Variants in ATXN10 observed in about 807,000 individuals in gnomAD.
The protein encoded by ATXN10 is ataxin-10.
ATXN10 carries 28 observed loss-of-function variants against 52.9 expected under a neutral mutation model. The observed-to-expected ratio is 0.53, with a 90% CI of 0.39 to 0.73. ATXN10 has a LOEUF of 0.73. ATXN10 is among the 30% of genes least tolerant of loss of function. The probability of loss-of-function intolerance (pLI) is 0.00; values close to 1 mark genes in which losing one functional copy is unlikely to be tolerated. For missense variants in ATXN10, 565 were observed against 577.0 expected (o/e 0.98, Z 0.21); for synonymous variants, 226 against 221.5 (o/e 1.02, Z -0.18).
In ATXN10 at chr22:45,702,733, C is replaced by T; in HGVS notation, c.533C>T (p.Ser178Leu). 6.2e-7 allele frequency: 1 copy of T among 1,613,968 alleles called. No homozygotes were observed. The highest frequency in any genetic ancestry group is 8.5e-7 in the Non-Finnish European group (1 of 1,179,922). Residue 178 changes from serine to leucine, a missense_variant, in exon 5 of 12, where the codon TCA (serine) becomes TTA (leucine). By Grantham distance (145) the Ser-to-Leu change is moderately radical. Transcript: ENST00000252934. ...HPDKKIVAYS[S>L]MILFTSLNHE... ...GACAAAAAAATTGTTGCCTACTCTT[C>T]AATGATTTTGTTTACATCCCTTAAT... is the stretch of plus-strand genomic sequence containing the variant.
chr22:45,703,707 A>G (rs555500330), intron 5 of ATXN10, among the ~76,000 whole-genome samples: 1 of 152,344 alleles, frequency 6.6e-6, no homozygotes, highest in Admixed American at 6.5e-5. Flanking sequence ...TGTCCCAGAC[A>G]CCACAAAGAC....
At position 45,688,815 on chromosome 22, in the gene ATXN10, A is replaced by G. The variant is rs780176719; in HGVS notation, c.117-897A>G. ...TTTATAGAATCTCTTAAATTGTCCAATGTGGCAACTTTCCTTCTAACGTTA... is the reference window on the plus strand; with the variant it reads ...TTTATAGAATCTCTTAAATTGTCCAGTGTGGCAACTTTCCTTCTAACGTTA... On this transcript the variant is annotated intron_variant, in intron 1 of 11. Coordinates refer to ENST00000252934, the MANE Select transcript of ATXN10 (RefSeq NM_013236.4). The surrounding 1 kb of genome is among the most constrained non-coding windows in gnomAD (Gnocchi z 4.0). Among the ~76,000 whole-genome samples the G allele has an allele frequency of 1.3e-5, 2 of 152,232 alleles. No homozygotes were observed. Among genetic ancestry groups the G allele is most frequent in the Non-Finnish European group, 1.5e-5 (1 of 68,048 alleles).
Position 45,772,249 on chromosome 22 carries a change from A to G in ATXN10, c.1173+31711A>G, listed in dbSNP as rs79551168. Among the ~76,000 whole-genome samples, 141 of 152,290 alleles carry G rather than the reference A, an allele frequency of 9.3e-4. 4 individuals carry two copies. In the East Asian group the frequency reaches 0.025, roughly 27 times the overall value. On this transcript the variant is annotated intron_variant, in intron 9 of 11. Coordinates refer to ENST00000252934, the MANE Select transcript of ATXN10 (RefSeq NM_013236.4). This position sits in a 1 kb window ranked among gnomAD's most constrained non-coding sequence, Gnocchi z 4.1. ...AGGATCCATTTGAGTTAGTCTCTCTATAAGGTGTGAGGGTTAGGTCAAGGT... is the reference window on the plus strand; with the variant it reads ...AGGATCCATTTGAGTTAGTCTCTCTGTAAGGTGTGAGGGTTAGGTCAAGGT...
At position 45,823,615 on chromosome 22, in the gene ATXN10, A is replaced by G. The variant is rs969992264; in HGVS notation, c.1237+16593A>G. Reference sequence around the variant, plus strand: ...ATACTCTTGTAATCATCGTGACTTTATGATCTTGGTATCCGGTAGGGCCAA... The same window carrying G: ...ATACTCTTGTAATCATCGTGACTTTGTGATCTTGGTATCCGGTAGGGCCAA... On this transcript the variant is annotated intron_variant, in intron 10 of 11. Coordinates refer to ENST00000252934, the MANE Select transcript of ATXN10 (RefSeq NM_013236.4). The surrounding 1 kb of genome is among the most constrained non-coding windows in gnomAD (Gnocchi z 4.9). Among the ~76,000 whole-genome samples the G allele has an allele frequency of 6.6e-6, 1 of 152,122 alleles. No individual in the cohort carries two copies. The highest frequency in any genetic ancestry group is 2.4e-5 in the African/African-American group (1 of 41,410).
At position 45,696,612 on chromosome 22, in the gene ATXN10, C is replaced by T. The variant is rs1188838214; in HGVS notation, c.391+3534C>T. ...AGCCTCTGTTTTTTTCCTCTTTACT[C>T]CATCATTTTCATCAGCAAGTAATAT... On this transcript the variant is annotated intron_variant, in intron 3 of 11. Coordinates refer to ENST00000252934, the MANE Select transcript of ATXN10 (RefSeq NM_013236.4). This position sits in a 1 kb window ranked among gnomAD's most constrained non-coding sequence, Gnocchi z 4.7. Among the ~76,000 whole-genome samples the T allele has an allele frequency of 6.6e-6, 1 of 152,168 alleles. No individual in the cohort carries two copies. Among genetic ancestry groups the T allele is most frequent in the Admixed American group, 6.5e-5 (1 of 15,280 alleles).
chr22:45,729,377 A>G (rs1021133966), intron 6 of ATXN10, 48 bp from the exon 7 acceptor site: 19 of 1,590,412 alleles, frequency 1.2e-5, no homozygotes, highest in Non-Finnish European at 1.6e-5. Context: ...TTAGCATTGT[A>G]TAATTTAAGT....
rs2146815294 is a variant in ATXN10, at chr22:45,750,598, A to G, written c.1173+10060A>G. ...ACTGATTTTTATTACTAGACCAATT[A>G]AAATCCCACTGTGAAAAATAAGCCA... is the stretch of plus-strand genomic sequence containing the variant. On this transcript the variant is annotated intron_variant, in intron 9 of 11. Coordinates refer to ENST00000252934, the MANE Select transcript of ATXN10 (RefSeq NM_013236.4). This position sits in a 1 kb window ranked among gnomAD's most constrained non-coding sequence, Gnocchi z 4.2. Among the ~76,000 whole-genome samples, 1 of 152,344 alleles carries G rather than the reference A, an allele frequency of 6.6e-6. No homozygotes were observed. The highest frequency in any genetic ancestry group is 1.9e-4 in the East Asian group (1 of 5,192).
chr22:45,834,406 C>T (rs771736090), intron 10 of ATXN10, among the ~76,000 whole-genome samples: 5 of 152,192 alleles, frequency 3.3e-5, no homozygotes, highest in African/African-American at 4.8e-5. Context: ...CCTCCCCTGC[C>T]ACCATCTGGG....
intron 9 of ATXN10, among the ~76,000 whole-genome samples, chr22:45,751,995 G>C (rs951781882): frequency 1.1e-4 from 17 of 151,174 alleles, no homozygotes; most frequent in Non-Finnish European, 2.1e-4. Context: ...ATCTTATTCA[G>C]GTAGAATTTA....
chr22:45,781,846 G>T lies in ATXN10; in HGVS notation c.1174-25113G>T, dbSNP rs1184524729. On this transcript the variant is annotated intron_variant, in intron 9 of 11. Coordinates refer to ENST00000252934, the MANE Select transcript of ATXN10 (RefSeq NM_013236.4). The surrounding 1 kb of genome is among the most constrained non-coding windows in gnomAD (Gnocchi z 4.2). ...ATAAAAAGCCAAAACTCAGTGATTGGGTTCAGTGGCAGAATGGAGATGCTG... is the reference window on the plus strand; with the variant it reads ...ATAAAAAGCCAAAACTCAGTGATTGTGTTCAGTGGCAGAATGGAGATGCTG... Among the ~76,000 whole-genome samples, 3 of 152,090 alleles carry T rather than the reference G, an allele frequency of 2.0e-5. No homozygotes were observed. The highest frequency in any genetic ancestry group is 6.6e-5 in the Admixed American group (1 of 15,254).
At position 45,775,954 on chromosome 22, in the gene ATXN10, A is replaced by C. The variant is rs537519305; in HGVS notation, c.1174-31005A>C. Among the ~76,000 whole-genome samples, 67 of 152,000 alleles carry C rather than the reference A, an allele frequency of 4.4e-4. No homozygotes were observed. The highest frequency in any genetic ancestry group is 1.5e-3 in the African/African-American group (63 of 41,426). On this transcript the variant is annotated intron_variant, in intron 9 of 11. Transcript: ENST00000252934. The surrounding 1 kb of genome is among the most constrained non-coding windows in gnomAD (Gnocchi z 4.7). ...ACCATGGGCACCGACATCTGTGGCC[A>C]CTCCACAGCCCATTGGTTCCGTCCT...
intron 10 of ATXN10, among the ~76,000 whole-genome samples, chr22:45,827,868 T>C (rs1601672193): frequency 1.3e-5 from 2 of 152,204 alleles, no homozygotes; most frequent in East Asian, 3.8e-4. Flanking sequence ...ATAGAGTGTA[T>C]ATTAGGTAAC....
rs1468775799 is a variant in ATXN10, at chr22:45,819,459, G to A, written c.1237+12437G>A. ...ACGAACACAAAGTTCGGTAGTCACAGGACACCCTTGCCGTGCTGCATAATG... is the reference window on the plus strand; with the variant it reads ...ACGAACACAAAGTTCGGTAGTCACAAGACACCCTTGCCGTGCTGCATAATG... On this transcript the variant is annotated intron_variant, in intron 10 of 11. Coordinates refer to ENST00000252934, the MANE Select transcript of ATXN10 (RefSeq NM_013236.4). This position sits in a 1 kb window ranked among gnomAD's most constrained non-coding sequence, Gnocchi z 4.5. Among the ~76,000 whole-genome samples the A allele has an allele frequency of 2.0e-5, 3 of 152,192 alleles. No homozygotes were observed. The highest frequency in any genetic ancestry group is 4.8e-5 in the African/African-American group (2 of 41,446).
intron 3 of ATXN10, among the ~76,000 whole-genome samples, chr22:45,695,803 A>G (rs1453469926): frequency 6.6e-6 from 1 of 152,068 alleles, no homozygotes; most frequent in African/African-American, 2.4e-5. Context: ...CGTGAGGCAT[A>G]TTTCTATTGA....
intron 9 of ATXN10, among the ~76,000 whole-genome samples, chr22:45,767,449 A>AC (rs925469804): frequency 6.6e-6 from 1 of 151,950 alleles, no homozygotes; most frequent in Non-Finnish European, 1.5e-5. Context: ...ACACACACAC[A>AC]CACACCACAC....
intron 9 of ATXN10, among the ~76,000 whole-genome samples, chr22:45,751,332 A>G (rs578190712): frequency 6.6e-6 from 1 of 152,304 alleles, no homozygotes; most frequent in South Asian, 2.1e-4. Flanking sequence ...CAGTTGAAAG[A>G]TTTTTAAAAG....
In ATXN10 at chr22:45,835,265, G is replaced by T. The variant is rs7293204; in HGVS notation, c.1238-7726G>T. Among the ~76,000 whole-genome samples, 55,301 of 151,978 alleles carry T rather than the reference G, an allele frequency of 0.36. 10,630 individuals carry two copies. Among genetic ancestry groups the T allele is most frequent in the Middle Eastern group, 0.48 (140 of 292 alleles). On this transcript the variant is annotated intron_variant, in intron 10 of 11. Coordinates refer to ENST00000252934, the MANE Select transcript of ATXN10 (RefSeq NM_013236.4). The surrounding 1 kb of genome is among the most constrained non-coding windows in gnomAD (Gnocchi z 5.0). Reference sequence around the variant, plus strand: ...GGCGTGGGCTCATGGGTCCTGCTTTGCCTGGCGCGGGCGCTTGAGCTTTCA... The same window carrying T: ...GGCGTGGGCTCATGGGTCCTGCTTTTCCTGGCGCGGGCGCTTGAGCTTTCA...
In ATXN10 at chr22:45,783,329, A is replaced by C. The variant is rs1927216329; in HGVS notation, c.1174-23630A>C. On this transcript the variant is annotated intron_variant, in intron 9 of 11. Transcript: ENST00000252934. The surrounding 1 kb of genome is among the most constrained non-coding windows in gnomAD (Gnocchi z 5.0). ...ATGGTGCACAACTTAAAAAACAGGA[A>C]TTGTTTATTTTAGGAATTTTCCACT... Among the ~76,000 whole-genome samples, 1 of 152,204 alleles carries C rather than the reference A, an allele frequency of 6.6e-6. No individual in the cohort carries two copies. The highest frequency in any genetic ancestry group is 2.1e-4 in the South Asian group (1 of 4,832).
At chr22:45,679,069 C>T (rs1006175829) in intron 1 of ATXN10, 1 of 152,050 alleles carries the variant, frequency 6.6e-6, no homozygotes. Flanking sequence ...TTTTGAAAGC[C>T]GTTTCTGACC....
Sources: gnomAD v4.1 joint callset for allele counts (sites outside exome capture counted in the v4.1 genomes callset) on GRCh38, gnomAD v4.1.1 for gene constraint, Gnocchi (gnomAD v3.1) non-coding constraint, MANE v1.5 for transcripts, NCBI Gene and HGNC (gene_info 2026-07-23, HGNC 2026-07-21) for gene names.